The following UFL1 variants were observed in gnomAD, a reference collection of about 807,000 sequenced individuals.
UFL1 encodes the protein UFM1 specific ligase 1, also known as E3 UFM1-protein ligase 1.
In UFL1, 78 loss-of-function variants were observed where a neutral mutation model predicts 99.3. The ratio of observed to expected loss-of-function variants is 0.79; its 90% confidence interval spans 0.65 to 0.95. UFL1 has a LOEUF of 0.95. UFL1 is among the 40% of genes least tolerant of loss of function. The probability of loss-of-function intolerance (pLI) is 0.00; values close to 1 mark genes in which losing one functional copy is unlikely to be tolerated. For missense variants in UFL1, 936 were observed against 937.0 expected (o/e 1.00, Z 0.01); for synonymous variants, 335 against 322.2 (o/e 1.04, Z -0.42).
intron 6 of UFL1, among the ~76,000 whole-genome samples, chr6:96,533,782 T>C (rs1769815498): frequency 1.7e-5 from 1 of 57,678 alleles, no homozygotes. Flanking sequence ...TTGCAGAAAA[T>C]AGAAAATACT....
intron 10 of UFL1, among the ~76,000 whole-genome samples, chr6:96,539,494 A>G (rs1176880954): frequency 6.6e-6 from 1 of 151,646 alleles, no homozygotes; most frequent in African/African-American, 2.4e-5. Flanking sequence ...GCTCTTTAAT[A>G]GTCTAAAAAT....
intron 18 of UFL1, 99 bp from the exon 19 acceptor site, chr6:96,553,186 G>T (rs1770106476): frequency 8.7e-7 from 1 of 1,145,642 alleles, no homozygotes; most frequent in African/African-American, 1.6e-5. Context: ...TTTTTGTAAA[G>T]ATGAGGACCT....
chr6:96,542,413 T>C (rs1334387838), intron 11 of UFL1, among the ~76,000 whole-genome samples: 2 of 151,308 alleles, frequency 1.3e-5, no homozygotes, highest in Non-Finnish European at 3.0e-5. Context: ...TGAGTCAGGA[T>C]ATCTCCTCTA....
At chr6:96,528,456 A>T in intron 5 of UFL1, 46 bp from the exon 6 acceptor site, 3 of 1,595,078 alleles carry the variant, frequency 1.9e-6, no homozygotes, top group Non-Finnish European at 1.7e-6. Flanking sequence ...GCATATGTGT[A>T]ATTCTTTTCT....
chr6:96,535,882 G>C (rs1769845745), intron 7 of UFL1, among the ~76,000 whole-genome samples: 1 of 151,930 alleles, frequency 6.6e-6, no homozygotes, highest in Non-Finnish European at 1.5e-5. Flanking sequence ...CATATTACCT[G>C]TTCTTGAAGT....
At chr6:96,532,448 GAT>G (rs2127950086) in intron 6 of UFL1, among the ~76,000 whole-genome samples, 1 of 152,314 alleles carries the variant, frequency 6.6e-6, no homozygotes, top group East Asian at 1.9e-4. Flanking sequence ...GTTGCAGTTT[GAT>G]CACCAATGTG....
intron 4 of UFL1, 124 bp downstream of exon 4, chr6:96,525,518 T>A: frequency 1.3e-6 from 1 of 745,972 alleles, no homozygotes; most frequent in Non-Finnish European, 2.3e-6. Context: ...ACAGTGTTGA[T>A]TTTCATGATA....
chr6:96,525,868 A>T (rs527577557), intron 4 of UFL1, among the ~76,000 whole-genome samples: 2 of 152,168 alleles, frequency 1.3e-5, no homozygotes, highest in East Asian at 3.9e-4. Context: ...CACTTAAAAA[A>T]ATCCCAGCAT....
At chr6:96,525,544 A>T in intron 4 of UFL1, 150 bp downstream of exon 4, 1 of 663,186 alleles carries the variant, frequency 1.5e-6, no homozygotes, top group East Asian at 2.9e-5. Context: ...TATTTCACTT[A>T]AAAAGTAAGT....
intron 2 of UFL1, 110 bp downstream of exon 2, chr6:96,523,401 A>G: frequency 8.6e-7 from 1 of 1,167,626 alleles, no homozygotes; most frequent in Non-Finnish European, 1.2e-6. Context: ...ATTGTAAGAT[A>G]TCGTTTTCAA....
chr6:96,539,442 T>C (rs925489761), intron 10 of UFL1, among the ~76,000 whole-genome samples: 3 of 151,602 alleles, frequency 2.0e-5, no homozygotes, highest in African/African-American at 7.3e-5. Context: ...TGAGGGCTTA[T>C]TAAATATGTA....
At chr6:96,540,392 C>T in intron 10 of UFL1, 143 bp from the exon 11 acceptor site, 1 of 1,088,550 alleles carries the variant, frequency 9.2e-7, no homozygotes, top group Non-Finnish European at 1.3e-6. Context: ...AAACATTTGC[C>T]TTAGAGTGAC....
chr6:96,552,401 T>C lies in UFL1; in HGVS notation c.1986-81T>C. 3 of 1,416,096 alleles carry C rather than the reference T, an allele frequency of 2.1e-6. No homozygotes were observed. The South Asian group carries it at 4.5e-5, about 21-fold the overall frequency. The allele number at this position is 1,416,096 out of a possible 1,614,324, so 87.7% of individuals were successfully genotyped here. ...TTAGATAAACTAGAGAAGCTAAAAA[T>C]TAACAGAAAGGGATGAATTGAAATT... is the stretch of plus-strand genomic sequence containing the variant. On this transcript the variant is annotated intron_variant, in intron 17 of 18. Transcript: ENST00000369278.
intron 6 of UFL1, among the ~76,000 whole-genome samples, chr6:96,532,068 C>T (rs917696923): frequency 2.0e-5 from 3 of 152,056 alleles, no homozygotes; most frequent in African/African-American, 7.2e-5. Flanking sequence ...GAGAGAAGAG[C>T]AGGAAGCAGT....
chr6:96,524,433 T>G, intron 3 of UFL1, 23 bp downstream of exon 3: 1 of 1,563,226 alleles, frequency 6.4e-7, no homozygotes, highest in Admixed American at 2.0e-5. Context: ...TTTATAAAAT[T>G]TTTGCTTTAC....
chr6:96,545,978 C>T (rs936472927), intron 12 of UFL1, among the ~76,000 whole-genome samples: 1 of 151,164 alleles, frequency 6.6e-6, no homozygotes, highest in Non-Finnish European at 1.5e-5. Context: ...GATGTCTACT[C>T]TCACCACTCC....
At chr6:96,553,168 T>C in intron 18 of UFL1, 117 bp from the exon 19 acceptor site, 1 of 895,984 alleles carries the variant, frequency 1.1e-6, no homozygotes, top group East Asian at 2.6e-5. Context: ...GCTACTTACA[T>C]GGCCAGTTTT....
chr6:96,528,658 T>C, intron 6 of UFL1, 26 bp downstream of exon 6: 1 of 1,560,174 alleles, frequency 6.4e-7, no homozygotes, highest in Non-Finnish European at 8.7e-7. Context: ...AGTATATATA[T>C]TTGCACATTT....
intron 7 of UFL1, among the ~76,000 whole-genome samples, chr6:96,535,150 G>A (rs909666694): frequency 6.6e-6 from 1 of 151,906 alleles, no homozygotes; most frequent in Non-Finnish European, 1.5e-5. Context: ...ATTGAGGATC[G>A]TGTGTTGTAG....
Sources: allele counts gnomAD v4.1 joint callset (sites outside exome capture counted in the v4.1 genomes callset), GRCh38; gene constraint gnomAD v4.1.1; transcripts MANE v1.5; gene names NCBI Gene and HGNC (gene_info 2026-07-23, HGNC 2026-07-21).